The following CRYBG1 variants were observed in gnomAD, a reference collection of about 807,000 sequenced individuals.
The protein encoded by CRYBG1 is beta/gamma crystallin domain-containing protein 1.
A neutral mutation model predicts 189.2 loss-of-function variants in CRYBG1; 139 were observed. That is an observed-to-expected ratio of 0.73 (90% CI 0.64 to 0.85). The LOEUF (loss-of-function observed/expected upper bound fraction) is 0.85, where lower values mean the gene tolerates loss of function less well. Among genes scored for constraint, CRYBG1 ranks in the 40% least tolerant of loss-of-function variants. CRYBG1 has a pLI of 0.00. For missense variants in CRYBG1, 2,611 were observed against 2,675.8 expected (o/e 0.98, Z 0.53); for synonymous variants, 1,023 against 1,017.1 (o/e 1.01, Z -0.11).
intron 1 of CRYBG1, among the ~76,000 whole-genome samples, chr6:106,425,089 A>G (rs974618600): frequency 3.3e-5 from 5 of 152,084 alleles, no homozygotes; most frequent in African/African-American, 9.7e-5. Context: ...CCTGTCACCC[A>G]GTGGAGAAAG....
intron 2 of CRYBG1, among the ~76,000 whole-genome samples, chr6:106,471,341 G>A (rs1772229227): frequency 6.6e-6 from 1 of 152,194 alleles, no homozygotes; most frequent in South Asian, 2.1e-4. Context: ...CCAGCACAAG[G>A]ATGTGAAGAT....
Position 106,511,421 on chromosome 6 carries a change from AT to A in CRYBG1, c.313-4del. On this transcript the variant is annotated splice_region_variant and splice_polypyrimidine_tract_variant and intron_variant, in intron 2 of 21. Transcript: ENST00000633556. ...CATATGTTCCCTCCTCATCCCTTTT[AT>A]TTTTCAGTCCAGAGCACAACCTCCA... 6.5e-7 allele frequency: 1 copy of A among 1,529,006 alleles called. No individual in the cohort carries two copies. The highest frequency in any genetic ancestry group is 8.7e-7 in the Non-Finnish European group (1 of 1,143,224). 94.7% of individuals were successfully genotyped at this position (1,529,006 alleles called of 1,614,324 possible). A position where few individuals can be genotyped will look rare whatever the true frequency, so the allele number is the denominator to read the frequency against.
At chr6:106,502,128 T>C (rs783387) in intron 2 of CRYBG1, among the ~76,000 whole-genome samples, 121,177 of 152,076 alleles carry the variant, frequency 0.8, 49,082 homozygotes, top group African/African-American at 0.95. Flanking sequence ...TCACCCTCTT[T>C]CCCCCAACTT....
chr6:106,443,747 G>A (rs1024338924), intron 1 of CRYBG1, among the ~76,000 whole-genome samples: 1 of 152,016 alleles, frequency 6.6e-6, no homozygotes, highest in East Asian at 1.9e-4. Context: ...TACATAGTAA[G>A]TGTATATATT....
intron 2 of CRYBG1, among the ~76,000 whole-genome samples, chr6:106,472,660 C>T (rs1772256594): frequency 6.6e-6 from 1 of 151,586 alleles, no homozygotes. Context: ...TTTGGAAGGC[C>T]AAGGCGGGCA....
At chr6:106,374,883 A>G (rs1227560022) in intron 1 of CRYBG1, among the ~76,000 whole-genome samples, 1 of 152,240 alleles carries the variant, frequency 6.6e-6, no homozygotes, top group African/African-American at 2.4e-5. Context: ...TTAAACATGT[A>G]CTTACGACAT....
At chr6:106,538,137 T>G (rs1165884997) in intron 8 of CRYBG1, among the ~76,000 whole-genome samples, 1 of 148,248 alleles carries the variant, frequency 6.7e-6, no homozygotes, top group Non-Finnish European at 1.5e-5. Context: ...TGAGTGTAAG[T>G]GATCACTAAG....
intron 1 of CRYBG1, among the ~76,000 whole-genome samples, chr6:106,419,246 T>A (rs1771081277): frequency 6.6e-6 from 1 of 152,224 alleles, no homozygotes; most frequent in East Asian, 1.9e-4. Flanking sequence ...AAGAAATGAT[T>A]TGGAGGCTGC....
Position 106,520,937 on chromosome 6 carries a change from C to T in CRYBG1, c.3729C>T (p.Phe1243=), listed in dbSNP as rs1464707501. 6 of 1,614,042 alleles carry T rather than the reference C, an allele frequency of 3.7e-6. No individual in the cohort carries two copies. Among genetic ancestry groups the T allele is most frequent in the Non-Finnish European group, 4.2e-6 (5 of 1,180,030 alleles). The part of the protein sequence containing the change: ...KRSRLEKSAL[F]SSLLSSLPQD... ...CGAGACTAGAAAAAAGTGCACTTTT[C>T]TCAAGCTTGTTATCTTCTTTACCAC... Residue 1243 remains phenylalanine (F), a synonymous_variant, in exon 4 of 22, where the codon TTC becomes TTT. Transcript: ENST00000633556.
In CRYBG1 at chr6:106,407,544, A is replaced by T. The variant is rs1770849801; in HGVS notation, c.174-44150A>T. On this transcript the variant is annotated intron_variant, in intron 1 of 21. Transcript: ENST00000633556. ...CTCTGGACCTAATAGACATCTACAG[A>T]ACTCTCCACCCCAAATCAACAGAAT... Among the ~76,000 whole-genome samples the T allele has an allele frequency of 3.3e-5, 5 of 152,278 alleles. No individual in the cohort carries two copies. In the South Asian group the frequency reaches 1.0e-3, roughly 32 times the overall value.
chr6:106,563,684 C>CA, intron 20 of CRYBG1, 80 bp from the exon 21 acceptor site: 2 of 1,436,000 alleles, frequency 1.4e-6, no homozygotes, highest in Non-Finnish European at 1.9e-6. Flanking sequence ...TTTTAAAGCC[C>CA]AATGTAACCA....
At chr6:106,413,685 A>T (rs993435892) in intron 1 of CRYBG1, among the ~76,000 whole-genome samples, 10 of 152,154 alleles carry the variant, frequency 6.6e-5, no homozygotes, top group African/African-American at 2.4e-4. Flanking sequence ...CTCAAAAAAA[A>T]AAAAGTGGAC....
intron 1 of CRYBG1, among the ~76,000 whole-genome samples, chr6:106,437,416 TTTC>T (rs1452280338): frequency 2.7e-5 from 4 of 146,878 alleles, no homozygotes; most frequent in East Asian, 3.9e-4. Context: ...TACCAATATT[TTTC>T]TTCTTCTTTT....
chr6:106,361,973 T>TTTCTTTCTTTCTTTCTTTC (rs1174995603), intron 1 of CRYBG1, among the ~76,000 whole-genome samples: 1 of 19,952 alleles, frequency 5.0e-5, no homozygotes, highest in Non-Finnish European at 9.7e-5. Context: ...TTCTTTCTTT[T>TTTCTTTCTTTCTTTCTTTC]TTTTTTTTTT....
At chr6:106,414,654 T>C (rs1392520741) in intron 1 of CRYBG1, among the ~76,000 whole-genome samples, 4 of 152,200 alleles carry the variant, frequency 2.6e-5, no homozygotes, top group East Asian at 3.8e-4. Flanking sequence ...TTCAAAACAC[T>C]GCAGGCAATG....
At position 106,520,290 on chromosome 6, in the gene CRYBG1, C is replaced by G; in HGVS notation, c.3082C>G (p.Gln1028Glu). ...AGAGCTCGCGGCAAAATCTGGCCCA[C>G]AAGTCATACCGCCAGCATCAGAGAA... ...TAELAAKSGP[Q>E]VIPPASEKTL... is the part of the protein sequence containing the mutation. Residue 1028 changes from glutamine to glutamate, a missense_variant, in exon 4 of 22, where the codon CAA becomes GAA. Around this residue, in one of 3 missense-constraint regions of CRYBG1, gnomAD observed 1,622 missense variants for 1,735.0 expected, o/e 0.93. Transcript: ENST00000633556. 6.2e-7 allele frequency: 1 copy of G among 1,614,138 alleles called. No homozygotes were observed. The highest frequency in any genetic ancestry group is 8.5e-7 in the Non-Finnish European group (1 of 1,180,038).
intron 2 of CRYBG1, among the ~76,000 whole-genome samples, chr6:106,505,521 G>T (rs1773112143): frequency 6.6e-6 from 1 of 152,136 alleles, no homozygotes; most frequent in African/African-American, 2.4e-5. Context: ...GAACCACCAT[G>T]CCTGGCCTTG....
chr6:106,537,762 C>G (rs1774038866), intron 8 of CRYBG1, among the ~76,000 whole-genome samples: 1 of 152,224 alleles, frequency 6.6e-6, no homozygotes, highest in Non-Finnish European at 1.5e-5. Context: ...TCCCCAGGAA[C>G]CATCATCCTG....
intron 1 of CRYBG1, among the ~76,000 whole-genome samples, chr6:106,446,312 A>G (rs1439377663): frequency 6.6e-6 from 1 of 152,176 alleles, no homozygotes; most frequent in Non-Finnish European, 1.5e-5. Flanking sequence ...GCATGTTACA[A>G]CCAATGCCTT....
Sources: gnomAD v4.1 joint callset for allele counts (sites outside exome capture counted in the v4.1 genomes callset) on GRCh38, gnomAD v4.1.1 for gene constraint, gnomAD v4.1.1 regional missense constraint, MANE v1.5 for transcripts, NCBI Gene and HGNC (gene_info 2026-07-23, HGNC 2026-07-21) for gene names.